Variants in FRMD6 observed in about 807,000 individuals in gnomAD.
The protein encoded by FRMD6 is FERM domain-containing protein 6.
FRMD6 carries 37 observed loss-of-function variants against 73.2 expected under a neutral mutation model. That is an observed-to-expected ratio of 0.51 (90% CI 0.39 to 0.66). FRMD6 has a LOEUF of 0.66. FRMD6 is among the 30% of genes least tolerant of loss of function. The pLI, the probability that FRMD6 is intolerant of heterozygous loss-of-function variation, is 0.00. For missense variants in FRMD6, 714 were observed against 780.5 expected (o/e 0.91, Z 1.02); for synonymous variants, 273 against 282.2 (o/e 0.97, Z 0.33).
At chr14:51,472,795 G>C in the FRMD6 span, among the ~76,000 whole-genome samples, 1 of 152,146 alleles carries the variant, frequency 6.6e-6, no homozygotes, top group South Asian at 2.1e-4. Flanking sequence ...TCTTTGAAAT[G>C]CTCCTAGTAC....
At chr14:51,650,923 C>A (rs1224114861), upstream of FRMD6, 1 of 152,280 alleles carries the variant, frequency 6.6e-6, no homozygotes, top group African/African-American at 2.4e-5. Context: ...TGACGCCCTG[C>A]GGGTCTAGGG....
chr14:51,516,218 A>G (rs931399650), intron 1 of FRMD6, among the ~76,000 whole-genome samples: 2 of 151,020 alleles, frequency 1.3e-5, no homozygotes, highest in Non-Finnish European at 2.9e-5. Flanking sequence ...CCCAAGACAC[A>G]CTCACAAAAA....
intron 1 of FRMD6, among the ~76,000 whole-genome samples, chr14:51,499,214 T>C (rs1386636579): frequency 1.3e-5 from 2 of 152,214 alleles, no homozygotes; most frequent in Admixed American, 1.3e-4. Flanking sequence ...TGCCCTCCTT[T>C]AGCGGAGATG....
upstream of FRMD6, among the ~76,000 whole-genome samples, chr14:51,487,951 A>G (rs1361089835): frequency 6.6e-6 from 1 of 152,206 alleles, no homozygotes; most frequent in African/African-American, 2.4e-5. Context: ...GCTTAAGGAG[A>G]TAAAGGACAT....
the FRMD6 span, among the ~76,000 whole-genome samples, chr14:51,458,883 A>G: frequency 6.6e-6 from 1 of 152,316 alleles, no homozygotes; most frequent in Non-Finnish European, 1.5e-5. Flanking sequence ...TAAAACACTC[A>G]AGTTCACTGG....
intron 1 of FRMD6, among the ~76,000 whole-genome samples, chr14:51,522,257 A>G (rs1297243009): frequency 6.6e-6 from 1 of 152,180 alleles, no homozygotes; most frequent in South Asian, 2.1e-4. Flanking sequence ...CCAGAAAGTA[A>G]TCTGGTCTTA....
chr14:51,441,284 G>T, the FRMD6 span, among the ~76,000 whole-genome samples: 136,713 of 152,246 alleles, frequency 0.9, 61,591 homozygotes, highest in Non-Finnish European at 0.91. Context: ...CCTGCCCACA[G>T]TTCCAGGCCC....
chr14:51,708,038 CCAA>C (rs779379805), intron 6 of FRMD6, 37 bp from the exon 7 acceptor site: 119 of 1,601,936 alleles, frequency 7.4e-5, no homozygotes, highest in Non-Finnish European at 9.6e-5. Flanking sequence ...TTACATCTCT[CCAA>C]CAAATGTTGC....
At chr14:51,709,104 T>A (rs1271111123) in intron 7 of FRMD6, among the ~76,000 whole-genome samples, 1 of 152,172 alleles carries the variant, frequency 6.6e-6, no homozygotes, top group Admixed American at 6.5e-5. Flanking sequence ...TGGCAAGAAC[T>A]CCTGAATACC....
chr14:51,536,761 T>A (rs935118492), intron 1 of FRMD6, among the ~76,000 whole-genome samples: 1 of 152,238 alleles, frequency 6.6e-6, no homozygotes, highest in African/African-American at 2.4e-5. Flanking sequence ...TCTTACTTTC[T>A]AGTTATGATC....
intron 7 of FRMD6, among the ~76,000 whole-genome samples, chr14:51,709,884 TATA>T: frequency 6.6e-6 from 1 of 152,240 alleles, no homozygotes; most frequent in Admixed American, 6.6e-5. Context: ...CCTAGGCAAC[TATA>T]ATCCTGAGCT....
Position 51,530,413 on chromosome 14 carries a change from A to G in FRMD6, c.-209-39935A>G, listed in dbSNP as rs190874848. On this transcript the variant is annotated intron_variant, in intron 1 of 14. Transcript: ENST00000356218. ...TTAAGAAAGTAACAGGTAGATATTA[A>G]TAAGGTAGATTAAATGTAAAAGTGT... Among the ~76,000 whole-genome samples the G allele has an allele frequency of 3.9e-5, 6 of 152,380 alleles. No individual in the cohort carries two copies. In the East Asian group the frequency reaches 1.2e-3, roughly 29 times the overall value.
intron 2 of FRMD6, among the ~76,000 whole-genome samples, chr14:51,604,640 C>T (rs1052793302): frequency 1.3e-5 from 2 of 151,968 alleles, no homozygotes; most frequent in Admixed American, 6.6e-5. Flanking sequence ...GTTCTATGGC[C>T]CATTGTATTT....
intron 10 of FRMD6, 62 bp downstream of exon 10, chr14:51,715,561 T>A: frequency 7.3e-7 from 1 of 1,376,330 alleles, no homozygotes; most frequent in Non-Finnish European, 9.8e-7. Flanking sequence ...CCTCTTACTC[T>A]GAATGGGGGT....
intron 1 of FRMD6, among the ~76,000 whole-genome samples, chr14:51,533,482 G>A (rs920738402): frequency 3.3e-5 from 5 of 152,108 alleles, no homozygotes; most frequent in African/African-American, 9.7e-5. Flanking sequence ...GTTTTTACAG[G>A]AGTCTAATGC....
intron 1 of FRMD6, among the ~76,000 whole-genome samples, chr14:51,549,687 C>G (rs921844552): frequency 2.0e-4 from 29 of 148,656 alleles, no homozygotes; most frequent in Non-Finnish European, 3.3e-4. Flanking sequence ...GCTCCGCCCC[C>G]CAGGTTCACG....
intron 1 of FRMD6, among the ~76,000 whole-genome samples, chr14:51,508,504 T>C (rs1320393924): frequency 1.3e-5 from 2 of 152,188 alleles, no homozygotes; most frequent in African/African-American, 2.4e-5. Flanking sequence ...CCTGGAGCCT[T>C]GAGGAGACAA....
At chr14:51,577,032 G>A (rs1465815955) in intron 2 of FRMD6, among the ~76,000 whole-genome samples, 1 of 152,208 alleles carries the variant, frequency 6.6e-6, no homozygotes, top group Non-Finnish European at 1.5e-5. Flanking sequence ...TTGGGGTGGG[G>A]CTAAGCCTCC....
chr14:51,628,877 C>CTTT lies in FRMD6; in HGVS notation c.-147+58482_-147+58484dup, dbSNP rs371915919. 1.8e-3 allele frequency among the ~76,000 whole-genome samples: 169 copies of CTTT among 95,306 alleles called. 5 individuals carry two copies. The highest frequency in any genetic ancestry group is 2.7e-3 in the African/African-American group (65 of 24,312). 62.5% of individuals were successfully genotyped at this position (95,306 alleles called of 152,430 possible). A position where few individuals can be genotyped will look rare whatever the true frequency, so the allele number is the denominator to read the frequency against. On this transcript the variant is annotated intron_variant, in intron 2 of 14. Coordinates refer to the FRMD6 transcript ENST00000356218. ...TGCATCTACCTTTTTCTTTTCTTTT[C>CTTT]TTTTTTTTTTTTTTTTTGAGACGGA...
Sources: gnomAD v4.1 joint callset for allele counts (sites outside exome capture counted in the v4.1 genomes callset) on GRCh38, gnomAD v4.1.1 for gene constraint, MANE v1.5 for transcripts, NCBI Gene and HGNC (gene_info 2026-07-23, HGNC 2026-07-21) for gene names.